Variants in DMD observed in about 807,000 individuals in gnomAD.
DMD encodes mutant dystrophin.
DMD carries 63 observed loss-of-function variants against 330.1 expected under a neutral mutation model. The observed-to-expected ratio is 0.19, with a 90% CI of 0.16 to 0.24. The LOEUF is 0.24. Ranked by LOEUF, DMD falls within the 10% of genes least tolerant of loss-of-function variation. The pLI, the probability that DMD is intolerant of heterozygous loss-of-function variation, is 1.00. For synonymous variants in DMD, 1,223 were observed against 959.8 expected (o/e 1.27, Z -5.07); for missense variants, 3,344 against 2,684.1 (o/e 1.25, Z -5.43).
intron 62 of DMD, among the ~76,000 whole-genome samples, chrX:31,300,605 A>C (rs2054572054): frequency 8.9e-6 from 1 of 111,788 alleles, no homozygotes; most frequent in Admixed American, 9.5e-5. Flanking sequence ...TGCTCAAGAA[A>C]AGGTAGGATA....
At chrX:33,323,723 G>A (rs767552222) in intron 1 of DMD, among the ~76,000 whole-genome samples, 4 of 111,070 alleles carry the variant, frequency 3.6e-5, no homozygotes, top group Non-Finnish European at 7.6e-5. Flanking sequence ...GAGCACATAC[G>A]GCATCAAATA....
intron 60 of DMD, among the ~76,000 whole-genome samples, chrX:31,394,640 A>G (rs1035973079): frequency 9.1e-5 from 10 of 110,370 alleles, no homozygotes; most frequent in African/African-American, 3.0e-4. Flanking sequence ...CTGAAAATAC[A>G]AAAATTAGCT....
At chrX:33,038,065 C>T (rs1191547293) in intron 1 of DMD, among the ~76,000 whole-genome samples, 3 of 112,115 alleles carry the variant, frequency 2.7e-5, no homozygotes, top group Non-Finnish European at 5.6e-5. Flanking sequence ...TGTCAAAATA[C>T]AAATGTATCT....
intron 76 of DMD, among the ~76,000 whole-genome samples, chrX:31,145,662 AT>A (rs749721258): frequency 1.9e-3 from 161 of 86,239 alleles, no homozygotes; most frequent in Middle Eastern, 5.8e-3. Flanking sequence ...TGGGAACTCT[AT>A]TTTTTTTTTT....
intron 43 of DMD, among the ~76,000 whole-genome samples, chrX:32,277,567 G>C (rs1304727072): frequency 9.0e-6 from 1 of 111,277 alleles, no homozygotes; most frequent in East Asian, 2.8e-4. Context: ...CCACACAGTA[G>C]GTCACAAAAG....
chrX:31,774,461 C>T (rs1437945417), intron 50 of DMD, among the ~76,000 whole-genome samples: 1 of 111,626 alleles, frequency 9.0e-6, no homozygotes, highest in African/African-American at 3.3e-5. Context: ...CATTCTCATG[C>T]CTGGACAAGT....
rs773309339 is a variant in DMD at position 32,695,133 on chromosome X, G to A, written c.960+2737C>T. ...ACAAGCGCTAAATAATCAAATGTAT[G>A]AATACTGCTCTATGTGTGCGTAACG... is the stretch of plus-strand genomic sequence containing the variant. On this transcript the variant is annotated intron_variant, in intron 9 of 78. Coordinates refer to ENST00000357033, the MANE Select transcript of DMD (RefSeq NM_004006.3). Among the ~76,000 whole-genome samples the A allele has an allele frequency of 5.3e-5, 6 of 112,444 alleles. No individual in the cohort carries two copies. In the South Asian group the frequency reaches 2.2e-3, roughly 41 times the overall value.
At chrX:31,244,632 G>A (rs1306919013) in intron 63 of DMD, among the ~76,000 whole-genome samples, 2 of 111,806 alleles carry the variant, frequency 1.8e-5, no homozygotes, top group Non-Finnish European at 1.9e-5. Context: ...TAACATCTCT[G>A]AGGAACTAAG....
chrX:32,600,013 T>G (rs2056011938), intron 12 of DMD, among the ~76,000 whole-genome samples: 1 of 112,474 alleles, frequency 8.9e-6, no homozygotes, highest in Non-Finnish European at 1.9e-5. Context: ...ATAATTGTAT[T>G]TCTTCTAAAT....
chrX:31,542,045 C>T (rs765000613), intron 55 of DMD, among the ~76,000 whole-genome samples: 4 of 111,964 alleles, frequency 3.6e-5, no homozygotes, highest in African/African-American at 1.3e-4. Flanking sequence ...ATAGGTGGCT[C>T]TCATTTCTAT....
intron 42 of DMD, among the ~76,000 whole-genome samples, chrX:32,292,649 T>C (rs1402286243): frequency 1.8e-5 from 2 of 111,618 alleles, no homozygotes; most frequent in Non-Finnish European, 3.8e-5. Flanking sequence ...CTGTGTTAGA[T>C]AGGGAGTGAC....
chrX:31,792,043 T>C (rs1036664018), intron 50 of DMD, among the ~76,000 whole-genome samples: 1 of 111,724 alleles, frequency 9.0e-6, no homozygotes, highest in East Asian at 2.8e-4. Flanking sequence ...AAAAAGCAGA[T>C]TTATATGATC....
intron 60 of DMD, among the ~76,000 whole-genome samples, chrX:31,416,292 T>C (rs755929829): frequency 5.3e-5 from 6 of 112,462 alleles, no homozygotes; most frequent in African/African-American, 1.9e-4. Flanking sequence ...AATGTGTTTT[T>C]GCTGAGGGAA....
intron 7 of DMD, among the ~76,000 whole-genome samples, chrX:32,736,006 C>A (rs2068418697): frequency 9.0e-6 from 1 of 111,424 alleles, no homozygotes; most frequent in African/African-American, 3.3e-5. Flanking sequence ...AAAATTTTTG[C>A]AACCTACTCA....
At chrX:31,956,212 A>T (rs964075565) in intron 45 of DMD, among the ~76,000 whole-genome samples, 1 of 111,951 alleles carries the variant, frequency 8.9e-6, no homozygotes, top group Non-Finnish European at 1.9e-5. Context: ...GACAGAAGGG[A>T]TCTGGATCTT....
chrX:33,003,482 TA>T (rs1181107633), intron 2 of DMD, among the ~76,000 whole-genome samples: 4 of 111,999 alleles, frequency 3.6e-5, no homozygotes, highest in Non-Finnish European at 5.6e-5. Context: ...CTGATTAGCT[TA>T]CCTATAACAA....
At chrX:32,647,309 G>T (rs2059845302) in intron 9 of DMD, among the ~76,000 whole-genome samples, 1 of 111,732 alleles carries the variant, frequency 8.9e-6, no homozygotes, top group African/African-American at 3.3e-5. Context: ...CATTTTCAAT[G>T]CCCTAGAAGC....
chrX:33,246,669 T>G (rs991872793), intron 1 of DMD, among the ~76,000 whole-genome samples: 2 of 110,553 alleles, frequency 1.8e-5, no homozygotes, highest in Non-Finnish European at 3.8e-5. Flanking sequence ...TTTTTGGTTT[T>G]TTTTGCTTGT....
chrX:31,429,979 C>G (rs12007419), intron 60 of DMD, among the ~76,000 whole-genome samples: 11,831 of 110,147 alleles, frequency 0.11, 1,369 homozygotes, highest in African/African-American at 0.35. Flanking sequence ...TAAAGAACTA[C>G]GCATAGTGCC....
Sources: gnomAD v4.1 joint callset for allele counts (sites outside exome capture counted in the v4.1 genomes callset) on GRCh38, gnomAD v4.1.1 for gene constraint, MANE v1.5 for transcripts, NCBI Gene and HGNC (gene_info 2026-07-23, HGNC 2026-07-21) for gene names.